Variants in UNC13C observed in about 807,000 individuals in gnomAD.
UNC13C encodes the protein unc-13 homolog C.
UNC13C carries 174 observed loss-of-function variants against 245.4 expected under a neutral mutation model. That is an observed-to-expected ratio of 0.71 (90% CI 0.63 to 0.80). The LOEUF (loss-of-function observed/expected upper bound fraction) is 0.80, where lower values mean the gene tolerates loss of function less well. Among genes scored for constraint, UNC13C ranks in the 30% least tolerant of loss-of-function variants. UNC13C has a pLI of 0.00. For synonymous variants in UNC13C, 992 were observed against 895.1 expected, an observed-to-expected ratio of 1.11 and a Z score of -1.93; for missense variants, 2,829 against 2,602.9, an observed-to-expected ratio of 1.09 and a Z score of -1.89.
chr15:54,142,559 T>C (rs963779914), intron 2 of UNC13C, among the ~76,000 whole-genome samples: 1 of 152,222 alleles, frequency 6.6e-6, no homozygotes, highest in African/African-American at 2.4e-5. Flanking sequence ...CAGAGTCATC[T>C]GAGGTTTACT....
the UNC13C span, among the ~76,000 whole-genome samples, chr15:53,924,186 A>G: frequency 6.6e-6 from 1 of 152,126 alleles, no homozygotes; most frequent in Non-Finnish European, 1.5e-5. Flanking sequence ...CAACCTGGGC[A>G]ACAGAGTGAG....
chr15:54,422,765 C>T (rs1317556996), intron 19 of UNC13C, among the ~76,000 whole-genome samples: 12 of 151,812 alleles, frequency 7.9e-5, no homozygotes, highest in Non-Finnish European at 1.5e-4. Flanking sequence ...TCCCTCAGAA[C>T]ACTCCCACGC....
At chr15:54,594,903 G>A (rs144532071) in intron 30 of UNC13C, among the ~76,000 whole-genome samples, 9 of 152,180 alleles carry the variant, frequency 5.9e-5, no homozygotes, top group Non-Finnish European at 1.0e-4. Flanking sequence ...CCAGGGGACC[G>A]GAGCATCGGA....
In UNC13C at chr15:54,038,124, A is replaced by AAAAATTTTTTTTTTTTTTTTT. The variant is rs1555406259; in HGVS notation, c.2983+22238_2983+22239insAAAATTTTTTTTTTTTTTTTT. Among the ~76,000 whole-genome samples the AAAAATTTTTTTTTTTTTTTTT allele has an allele frequency of 2.0e-3, 88 of 45,032 alleles. 1 individual carries two copies. Among genetic ancestry groups the AAAAATTTTTTTTTTTTTTTTT allele is most frequent in the African/African-American group, 8.5e-3 (80 of 9,450 alleles). The allele number at this position is 45,032 out of a possible 152,430, so 29.5% of individuals were successfully genotyped here. A position where few individuals can be genotyped will look rare whatever the true frequency, so the allele number is the denominator to read the frequency against. ...CATATATATATATATATATATATAT[A>AAAAATTTTTTTTTTTTTTTTT]TTTTTTTTTTTTTTTTCCTGAGACA... On this transcript the variant is annotated intron_variant, in intron 2 of 32. Coordinates refer to ENST00000260323, the MANE Select transcript of UNC13C (RefSeq NM_001080534.3).
intron 18 of UNC13C, among the ~76,000 whole-genome samples, chr15:54,396,321 G>A (rs1318502209): frequency 1.3e-5 from 2 of 151,634 alleles, no homozygotes; most frequent in Non-Finnish European, 3.0e-5. Flanking sequence ...GTTTGGAAAT[G>A]TTATCATTAT....
At chr15:54,450,005 G>A (rs974650371) in intron 19 of UNC13C, among the ~76,000 whole-genome samples, 1 of 152,230 alleles carries the variant, frequency 6.6e-6, no homozygotes, top group Non-Finnish European at 1.5e-5. Context: ...AAGACCCTCA[G>A]CTCCAGGTCT....
the UNC13C span, among the ~76,000 whole-genome samples, chr15:53,956,653 G>A: frequency 6.7e-6 from 1 of 149,284 alleles, no homozygotes; most frequent in South Asian, 2.1e-4. Context: ...TTGAAGGGAT[G>A]GATGACACAG....
chr15:53,997,800 T>TTTA (rs771463504), intron 1 of UNC13C, among the ~76,000 whole-genome samples: 2 of 152,006 alleles, frequency 1.3e-5, no homozygotes, highest in African/African-American at 4.8e-5. Flanking sequence ...TTTATTTTAT[T>TTTA]TTATTATTAT....
intron 17 of UNC13C, among the ~76,000 whole-genome samples, chr15:54,382,107 C>T (rs1198022427): frequency 6.6e-6 from 1 of 152,070 alleles, no homozygotes. Flanking sequence ...GGAATCTATA[C>T]ATATACTTGG....
the UNC13C span, among the ~76,000 whole-genome samples, chr15:53,879,333 T>A: frequency 1.3e-5 from 2 of 152,102 alleles, no homozygotes; most frequent in South Asian, 4.2e-4. Context: ...AGCTAATTTT[T>A]AGAAAATTTT....
intron 2 of UNC13C, among the ~76,000 whole-genome samples, chr15:54,083,428 G>T (rs1396866181): frequency 6.6e-6 from 1 of 152,168 alleles, no homozygotes; most frequent in Non-Finnish European, 1.5e-5. Flanking sequence ...TGTAGGGAGA[G>T]GGAGTTGGGC....
intron 2 of UNC13C, among the ~76,000 whole-genome samples, chr15:54,074,465 G>T (rs903930316): frequency 1.3e-5 from 2 of 152,170 alleles, no homozygotes; most frequent in African/African-American, 2.4e-5. Context: ...GATTACTTTG[G>T]AAAGTATGGC....
At chr15:54,320,727 A>C in intron 13 of UNC13C, 1 of 380,056 alleles carries the variant, frequency 2.6e-6, no homozygotes, top group African/African-American at 2.1e-5. Flanking sequence ...GCAGTAATTA[A>C]GATCTTCTGC....
chr15:54,005,319 T>C (rs1225132622), intron 1 of UNC13C, among the ~76,000 whole-genome samples: 1 of 152,188 alleles, frequency 6.6e-6, no homozygotes, highest in African/African-American at 2.4e-5. Flanking sequence ...CTAAGATTGG[T>C]CCTCCTGGGC....
chr15:54,206,027 C>A (rs1217879885), intron 4 of UNC13C, among the ~76,000 whole-genome samples: 2 of 151,906 alleles, frequency 1.3e-5, no homozygotes, highest in Non-Finnish European at 1.5e-5. Context: ...TCAAGGATTT[C>A]CTCTCTTTAA....
At chr15:54,458,471 CT>C (rs1401449751) in intron 19 of UNC13C, among the ~76,000 whole-genome samples, 1 of 151,948 alleles carries the variant, frequency 6.6e-6, no homozygotes, top group African/African-American at 2.4e-5. Context: ...CTGCCTAGTG[CT>C]ATCAGTGGAG....
At chr15:54,611,111 C>T (rs762975449) in intron 30 of UNC13C, among the ~76,000 whole-genome samples, 2 of 152,012 alleles carry the variant, frequency 1.3e-5, no homozygotes, top group African/African-American at 2.4e-5. Flanking sequence ...TACAAGTGGC[C>T]ATCAGTAGTG....
At chr15:54,333,679 T>C in intron 15 of UNC13C, 88 bp from the exon 16 acceptor site, 1 of 791,352 alleles carries the variant, frequency 1.3e-6, no homozygotes, top group Non-Finnish European at 2.1e-6. Context: ...ACTTTCCATT[T>C]TCTTTCATGA....
At chr15:54,297,694 T>C in intron 11 of UNC13C, 117 bp from the exon 12 acceptor site, 1 of 719,982 alleles carries the variant, frequency 1.4e-6, no homozygotes, top group Non-Finnish European at 2.4e-6. Context: ...CTCAGAAAAA[T>C]AGCTTTTAGC....
Sources: allele counts gnomAD v4.1 joint callset (sites outside exome capture counted in the v4.1 genomes callset), GRCh38; gene constraint gnomAD v4.1.1; transcripts MANE v1.5; gene names NCBI Gene and HGNC (gene_info 2026-07-23, HGNC 2026-07-21).